ST3GAL4: variants seen among roughly 807,000 people sequenced by gnomAD.
The protein encoded by ST3GAL4 is CMP-N-acetylneuraminate-beta-galactosamide-alpha-2,3-sialyltransferase 4.
ST3GAL4 carries 24 observed loss-of-function variants against 42.6 expected under a neutral mutation model. That is an observed-to-expected ratio of 0.56 (90% CI 0.41 to 0.79). The LOEUF is 0.79. ST3GAL4 is among the 30% of genes least tolerant of loss of function. ST3GAL4 has a pLI of 0.00. For missense variants in ST3GAL4, 311 were observed against 430.8 expected, an observed-to-expected ratio of 0.72 and a Z score of 2.46; for synonymous variants, 135 against 163.2, an observed-to-expected ratio of 0.83 and a Z score of 1.32.
chr11:126,385,564 C>T (rs543655512), intron 1 of ST3GAL4, among the ~76,000 whole-genome samples: 7 of 152,286 alleles, frequency 4.6e-5, no homozygotes, highest in South Asian at 2.1e-4. Flanking sequence ...CCACTATTTT[C>T]GACCTGTCTG....
intron 1 of ST3GAL4, among the ~76,000 whole-genome samples, chr11:126,394,154 G>C (rs1451883194): frequency 1.3e-5 from 2 of 152,258 alleles, no homozygotes; most frequent in Admixed American, 1.3e-4. Context: ...GGGATTGGCT[G>C]TGCTGGTGGG....
intron 1 of ST3GAL4, among the ~76,000 whole-genome samples, chr11:126,395,371 TA>T (rs1159776209): frequency 1.3e-5 from 2 of 151,954 alleles, no homozygotes; most frequent in East Asian, 1.9e-4. Flanking sequence ...AGAAGCTGAG[TA>T]AAGAGCTGGA....
intron 1 of ST3GAL4, among the ~76,000 whole-genome samples, chr11:126,369,228 C>G (rs1477710847): frequency 6.6e-6 from 1 of 151,424 alleles, no homozygotes; most frequent in Non-Finnish European, 1.5e-5. Context: ...AAGATAGTGC[C>G]TTTTTCTTTC....
chr11:126,361,414 C>T (rs74955254), intron 1 of ST3GAL4, among the ~76,000 whole-genome samples: 1 of 150,866 alleles, frequency 6.6e-6, no homozygotes, highest in Non-Finnish European at 1.5e-5. Flanking sequence ...TGTGACCCCC[C>T]TGTGGTTCTC....
At chr11:126,370,740 G>C (rs1340406549) in intron 1 of ST3GAL4, among the ~76,000 whole-genome samples, 2 of 150,988 alleles carry the variant, frequency 1.3e-5, no homozygotes, top group African/African-American at 4.9e-5. Context: ...GCAGTGGCAC[G>C]ATCTCGGCTC....
chr11:126,374,460 A>G (rs1382556216), intron 1 of ST3GAL4, among the ~76,000 whole-genome samples: 2 of 149,260 alleles, frequency 1.3e-5, no homozygotes, highest in Non-Finnish European at 3.0e-5. Flanking sequence ...TCTCCAAAAA[A>G]AAAAAAAAAA....
intron 1 of ST3GAL4, among the ~76,000 whole-genome samples, chr11:126,380,576 C>G (rs1952958283): frequency 6.6e-6 from 1 of 152,170 alleles, no homozygotes; most frequent in Middle Eastern, 3.2e-3. Context: ...GTTAATTTAG[C>G]TAATTTTAGT....
chr11:126,365,606 C>G (rs1364664140), intron 1 of ST3GAL4, among the ~76,000 whole-genome samples: 1 of 152,212 alleles, frequency 6.6e-6, no homozygotes, highest in African/African-American at 2.4e-5. Context: ...TGACCAGGCC[C>G]TGACAGGCCG....
chr11:126,368,235 T>C (rs927633782), intron 1 of ST3GAL4, among the ~76,000 whole-genome samples: 1 of 151,850 alleles, frequency 6.6e-6, no homozygotes, highest in African/African-American at 2.4e-5. Flanking sequence ...GTGTGGTGGC[T>C]CATGCCTGTA....
chr11:126,369,269 CAG>C (rs1165300868), intron 1 of ST3GAL4, among the ~76,000 whole-genome samples: 1 of 151,554 alleles, frequency 6.6e-6, no homozygotes, highest in Non-Finnish European at 1.5e-5. Context: ...GGGGGGGAGG[CAG>C]AGTTTTACTC....
rs1323991067 is a variant in ST3GAL4, at chr11:126,414,326, A to T, written c.*279A>T. On this transcript the variant is annotated 3_prime_UTR_variant, in exon 11 of 11. Coordinates refer to ENST00000444328, the MANE Select transcript of ST3GAL4 (RefSeq NM_001254757.2). ...CCCTCTCTGCCAGCACCAAGAGATTATTTAATGGGCTATTTAATTAAGGGG... is the reference window on the plus strand; with the variant it reads ...CCCTCTCTGCCAGCACCAAGAGATTTTTTAATGGGCTATTTAATTAAGGGG... 1 of 504,410 alleles carries T rather than the reference A, an allele frequency of 2.0e-6. No individual in the cohort carries two copies. Among genetic ancestry groups the T allele is most frequent in the Non-Finnish European group, 3.6e-6 (1 of 277,278 alleles). The allele number at this position is 504,410 out of a possible 1,614,324, so 31.2% of individuals were successfully genotyped here.
In ST3GAL4 at chr11:126,409,220, C is replaced by T. The variant is rs1053048454; in HGVS notation, c.628-48C>T. On this transcript the variant is annotated intron_variant, in intron 8 of 10. Coordinates refer to ENST00000444328, the MANE Select transcript of ST3GAL4 (RefSeq NM_001254757.2). The surrounding 1 kb of genome is among the most constrained non-coding windows in gnomAD (Gnocchi z 4.9). ...GGACCACTGGGTTGGATTTGAGAAA[C>T]AGGGCTTCACCCGCTTCTGTCTCTC... 4 of 1,601,500 alleles carry T rather than the reference C, an allele frequency of 2.5e-6. No homozygotes were observed. Among genetic ancestry groups the T allele is most frequent in the Admixed American group, 1.7e-5 (1 of 59,636 alleles).
At position 126,397,556 on chromosome 11, in the gene ST3GAL4, G is replaced by A. The variant is rs1953833540; in HGVS notation, c.-60-8540G>A. Among the ~76,000 whole-genome samples, 2 of 152,210 alleles carry A rather than the reference G, an allele frequency of 1.3e-5. No individual in the cohort carries two copies. Among genetic ancestry groups the A allele is most frequent in the East Asian group, 3.9e-4 (2 of 5,194 alleles). ...CGTAGGAGAGGAACCATTTCAGCCC[G>A]ATATTACCAGAGTGGGATGGTCCCA... On this transcript the variant is annotated intron_variant, in intron 1 of 10. Transcript: ENST00000444328. The surrounding 1 kb of genome is among the most constrained non-coding windows in gnomAD (Gnocchi z 5.0).
chr11:126,368,682 C>T (rs898610625), intron 1 of ST3GAL4, among the ~76,000 whole-genome samples: 3 of 152,204 alleles, frequency 2.0e-5, no homozygotes, highest in African/African-American at 7.2e-5. Context: ...CACACCTGCT[C>T]ATGAGAAGGG....
At chr11:126,399,230 C>T (rs73632795) in intron 1 of ST3GAL4, among the ~76,000 whole-genome samples, 4,216 of 151,690 alleles carry the variant, frequency 0.028, 188 homozygotes, top group African/African-American at 0.096. Flanking sequence ...ACTACAGGGC[C>T]GGTCTCAGAA....
intron 9 of ST3GAL4, among the ~76,000 whole-genome samples, chr11:126,412,257 A>G (rs968640421): frequency 7.9e-5 from 12 of 152,136 alleles, no homozygotes; most frequent in Non-Finnish European, 1.6e-4. Context: ...CTGGTGGTGA[A>G]AGCAACAAGG....
At chr11:126,402,835 G>A (rs1047937447) in intron 1 of ST3GAL4, among the ~76,000 whole-genome samples, 4 of 152,170 alleles carry the variant, frequency 2.6e-5, no homozygotes, top group African/African-American at 9.7e-5. Flanking sequence ...AGCTCCCTTC[G>A]GCCAGGGACA....
chr11:126,380,119 G>A (rs895987740), intron 1 of ST3GAL4, among the ~76,000 whole-genome samples: 1 of 151,906 alleles, frequency 6.6e-6, no homozygotes, highest in Non-Finnish European at 1.5e-5. Flanking sequence ...AAAATTAGCC[G>A]GGCATGGTGA....
chr11:126,359,930 G>A lies in ST3GAL4; in HGVS notation c.-61+4088G>A, dbSNP rs1952191351. On this transcript the variant is annotated intron_variant, in intron 1 of 10. Coordinates refer to ENST00000444328, the MANE Select transcript of ST3GAL4 (RefSeq NM_001254757.2). This position sits in a 1 kb window ranked among gnomAD's most constrained non-coding sequence, Gnocchi z 4.8. ...GTGGGGAAGGGGAGGGGCCCTATGGGGTCTAAGCACAGGGAACCCAGCCAA... is the reference window on the plus strand; with the variant it reads ...GTGGGGAAGGGGAGGGGCCCTATGGAGTCTAAGCACAGGGAACCCAGCCAA... Among the ~76,000 whole-genome samples, 1 of 152,236 alleles carries A rather than the reference G, an allele frequency of 6.6e-6. No homozygotes were observed.
Sources: allele counts gnomAD v4.1 joint callset (sites outside exome capture counted in the v4.1 genomes callset), GRCh38; gene constraint gnomAD v4.1.1; non-coding constraint Gnocchi (gnomAD v3.1); transcripts MANE v1.5; gene names NCBI Gene and HGNC (gene_info 2026-07-23, HGNC 2026-07-21).